Variants in SAMD5 observed in about 807,000 individuals in gnomAD.
SAMD5 encodes the protein sterile alpha motif domain containing 5.
Under a neutral mutation model 11.3 loss-of-function variants are expected in SAMD5, and 13 were observed. The observed-to-expected ratio is 1.15, with a 90% CI of 0.75 to 1.83. The LOEUF (loss-of-function observed/expected upper bound fraction) is 1.83, where lower values mean the gene tolerates loss of function less well. Ranked by LOEUF, SAMD5 falls within the 40% of genes most tolerant of loss-of-function variation. The probability of loss-of-function intolerance (pLI) is 0.00; values close to 1 mark genes in which losing one functional copy is unlikely to be tolerated. For synonymous variants in SAMD5, 129 were observed against 111.3 expected (o/e 1.16, Z -1.00); for missense variants, 255 against 239.1 (o/e 1.07, Z -0.44).
intron 1 of SAMD5, among the ~76,000 whole-genome samples, chr6:147,558,698 C>T (rs1006505820): frequency 5.9e-5 from 9 of 151,960 alleles, no homozygotes; most frequent in Non-Finnish European, 1.0e-4. Context: ...GGCACAGTCC[C>T]GCCCTCCCTC....
At chr6:147,709,072 A>G (rs1791362317) in intron 1 of SAMD5, among the ~76,000 whole-genome samples, 1 of 152,230 alleles carries the variant, frequency 6.6e-6, no homozygotes, top group African/African-American at 2.4e-5. Context: ...TTTTTTAAAT[A>G]TCAGCTTTAC....
chr6:147,672,632 A>G (rs531652888), intron 1 of SAMD5, among the ~76,000 whole-genome samples: 26 of 152,254 alleles, frequency 1.7e-4, no homozygotes, highest in Admixed American at 3.3e-4. Context: ...GAAGAAAATC[A>G]GTCTCCTTAT....
the SAMD5 span, among the ~76,000 whole-genome samples, chr6:147,944,203 A>G: frequency 6.6e-6 from 1 of 152,132 alleles, no homozygotes; most frequent in African/African-American, 2.4e-5. Context: ...AAACCCTTGC[A>G]TGTTTAATCC....
At chr6:147,671,064 T>C (rs7745338) in intron 1 of SAMD5, among the ~76,000 whole-genome samples, 16,675 of 152,212 alleles carry the variant, frequency 0.11, 1,352 homozygotes, top group African/African-American at 0.23. Context: ...GCTGGCCCAA[T>C]TTCAATGTTG....
At chr6:147,588,119 G>C (rs549962218) in intron 1 of SAMD5, among the ~76,000 whole-genome samples, 5 of 151,892 alleles carry the variant, frequency 3.3e-5, no homozygotes, top group Admixed American at 6.6e-5. Flanking sequence ...GCAGTTGAAG[G>C]CTAAGGAACA....
At chr6:147,662,684 C>T (rs1013470603) in intron 1 of SAMD5, among the ~76,000 whole-genome samples, 5 of 152,086 alleles carry the variant, frequency 3.3e-5, no homozygotes, top group Non-Finnish European at 5.9e-5. Flanking sequence ...GATGAAAAGC[C>T]TTGGGGTAAA....
chr6:147,759,435 G>A, the SAMD5 span, among the ~76,000 whole-genome samples: 1 of 152,102 alleles, frequency 6.6e-6, no homozygotes, highest in Non-Finnish European at 1.5e-5. Context: ...TACAGGCCAG[G>A]ACACACTCCT....
intron 1 of SAMD5, among the ~76,000 whole-genome samples, chr6:147,646,122 G>A (rs887607613): frequency 6.6e-6 from 1 of 151,736 alleles, no homozygotes; most frequent in Middle Eastern, 3.4e-3. Context: ...GGGGGTTAGA[G>A]GTGCCAACCC....
At chr6:147,793,499 A>G in the SAMD5 span, among the ~76,000 whole-genome samples, 1 of 152,324 alleles carries the variant, frequency 6.6e-6, no homozygotes, top group East Asian at 1.9e-4. Context: ...ACTTTAGTTA[A>G]TTAGAACAAG....
intron 1 of SAMD5, among the ~76,000 whole-genome samples, chr6:147,529,945 G>A (rs528078305): frequency 6.6e-6 from 1 of 152,328 alleles, no homozygotes; most frequent in African/African-American, 2.4e-5. Context: ...AATAAAGTTA[G>A]TAAAAAAGAT....
At chr6:147,818,558 T>A in the SAMD5 span, among the ~76,000 whole-genome samples, 3 of 152,328 alleles carry the variant, frequency 2.0e-5, no homozygotes, top group South Asian at 4.1e-4. Context: ...CTAACACAAA[T>A]GCCAATGTGT....
the SAMD5 span, among the ~76,000 whole-genome samples, chr6:147,810,048 A>AT: frequency 6.6e-6 from 1 of 152,230 alleles, no homozygotes; most frequent in Admixed American, 6.6e-5. Context: ...GTATGTAACC[A>AT]TTTTTTTGGT....
chr6:147,801,744 T>C, the SAMD5 span, among the ~76,000 whole-genome samples: 2 of 152,148 alleles, frequency 1.3e-5, no homozygotes, highest in African/African-American at 4.8e-5. Context: ...GCCTGTGGTA[T>C]TGGCATTAAA....
chr6:147,645,391 A>G (rs1247444956), intron 1 of SAMD5, among the ~76,000 whole-genome samples: 1 of 152,182 alleles, frequency 6.6e-6, no homozygotes, highest in African/African-American at 2.4e-5. Context: ...CATTTCTCTA[A>G]GCCCACGCAA....
the SAMD5 span, among the ~76,000 whole-genome samples, chr6:147,845,194 C>T: frequency 7.3e-5 from 11 of 151,462 alleles, no homozygotes; most frequent in African/African-American, 2.7e-4. Flanking sequence ...GAGCAATTGA[C>T]ATTCATCCTA....
chr6:147,747,859 T>C, the SAMD5 span, among the ~76,000 whole-genome samples: 1 of 152,236 alleles, frequency 6.6e-6, no homozygotes, highest in Non-Finnish European at 1.5e-5. Context: ...TACCATTTTC[T>C]GTCATTTTCA....
chr6:147,600,646 G>C (rs894098716), intron 1 of SAMD5, among the ~76,000 whole-genome samples: 2 of 152,142 alleles, frequency 1.3e-5, no homozygotes, highest in African/African-American at 4.8e-5. Flanking sequence ...AGAATCCTAT[G>C]TTTTGACATA....
At chr6:147,853,439 T>A in the SAMD5 span, among the ~76,000 whole-genome samples, 1 of 151,864 alleles carries the variant, frequency 6.6e-6, no homozygotes, top group Non-Finnish European at 1.5e-5. Flanking sequence ...GGGTTAATTC[T>A]CCACCACCAC....
chr6:147,585,648 C>A (rs1383063289), intron 1 of SAMD5, among the ~76,000 whole-genome samples: 1 of 152,142 alleles, frequency 6.6e-6, no homozygotes, highest in South Asian at 2.1e-4. Context: ...GCAATTTACT[C>A]CCCTCTTGGC....
Sources: gnomAD v4.1 joint callset for allele counts (sites outside exome capture counted in the v4.1 genomes callset) on GRCh38, gnomAD v4.1.1 for gene constraint, MANE v1.5 for transcripts, NCBI Gene and HGNC (gene_info 2026-07-23, HGNC 2026-07-21) for gene names.